Variants in PHACTR1 observed in about 807,000 individuals in gnomAD.
PHACTR1 encodes phosphatase and actin regulator 1, also known as RPEL repeat containing 1.
In PHACTR1, 16 loss-of-function variants were observed where a neutral mutation model predicts 69.2. The ratio of observed to expected loss-of-function variants is 0.23; its 90% CI spans 0.16 to 0.35. The LOEUF (loss-of-function observed/expected upper bound fraction) is 0.35. Among genes scored for constraint, PHACTR1 ranks in the 10% least tolerant of loss-of-function variants. The pLI, the probability that PHACTR1 is intolerant of heterozygous loss-of-function variation, is 1.00. For synonymous variants in PHACTR1, 312 were observed against 284.5 expected (o/e 1.10, Z -0.97); for missense variants, 510 against 734.7 (o/e 0.69, Z 3.54).
At chr6:13,260,200 T>G (rs1223358235) in intron 10 of PHACTR1, among the ~76,000 whole-genome samples, 1 of 152,182 alleles carries the variant, frequency 6.6e-6, no homozygotes, top group Non-Finnish European at 1.5e-5. Context: ...ACTGAGAAGA[T>G]CTTCATGTAC....
At chr6:12,829,382 GAA>G (rs1777161011) in intron 4 of PHACTR1, among the ~76,000 whole-genome samples, 1 of 152,212 alleles carries the variant, frequency 6.6e-6, no homozygotes, top group Non-Finnish European at 1.5e-5. Context: ...TCATAGAGGA[GAA>G]GTTTGGGACC....
chr6:13,184,555 C>T (rs997880466), intron 7 of PHACTR1, among the ~76,000 whole-genome samples: 2 of 152,164 alleles, frequency 1.3e-5, no homozygotes, highest in African/African-American at 2.4e-5. Flanking sequence ...AAACATCCTC[C>T]TCCTCTTTCT....
chr6:12,930,354 T>G (rs1788730827), intron 4 of PHACTR1, among the ~76,000 whole-genome samples: 1 of 152,146 alleles, frequency 6.6e-6, no homozygotes, highest in Non-Finnish European at 1.5e-5. Context: ...AAGAGAATTT[T>G]TTTGGGTGTG....
intron 5 of PHACTR1, among the ~76,000 whole-genome samples, chr6:13,135,947 GAAA>G (rs1376695732): frequency 6.6e-6 from 1 of 151,658 alleles, no homozygotes; most frequent in Non-Finnish European, 1.5e-5. Flanking sequence ...AATAGTGGAG[GAAA>G]AAAAAGTCAC....
chr6:12,842,523 C>T (rs1210700077), intron 4 of PHACTR1, among the ~76,000 whole-genome samples: 1 of 152,092 alleles, frequency 6.6e-6, no homozygotes, highest in African/African-American at 2.4e-5. Flanking sequence ...TGCATTTAAA[C>T]AGTAAAGGTT....
At chr6:12,842,740 C>T (rs985068793) in intron 4 of PHACTR1, among the ~76,000 whole-genome samples, 2 of 151,958 alleles carry the variant, frequency 1.3e-5, no homozygotes, top group South Asian at 4.2e-4. Flanking sequence ...GAGACAGGGT[C>T]TCACTCTGTT....
intron 10 of PHACTR1, among the ~76,000 whole-genome samples, chr6:13,244,059 C>T (rs1773234480): frequency 6.6e-6 from 1 of 152,070 alleles, no homozygotes; most frequent in Non-Finnish European, 1.5e-5. Context: ...TTCTAGTTTC[C>T]CTAAGCATCG....
intron 6 of PHACTR1, among the ~76,000 whole-genome samples, chr6:13,171,773 AT>A (rs988490319): frequency 4.2e-4 from 62 of 147,608 alleles, no homozygotes; most frequent in African/African-American, 1.0e-3. Context: ...GCTCTAGCCA[AT>A]TTTTTTTTTT....
chr6:12,993,961 C>T (rs1470404787), intron 4 of PHACTR1, among the ~76,000 whole-genome samples: 2 of 151,696 alleles, frequency 1.3e-5, no homozygotes, highest in Non-Finnish European at 2.9e-5. Context: ...GCAGATTCAA[C>T]AAATGAAGAA....
At chr6:12,920,025 A>G (rs1787464395) in intron 4 of PHACTR1, among the ~76,000 whole-genome samples, 1 of 152,210 alleles carries the variant, frequency 6.6e-6, no homozygotes, top group African/African-American at 2.4e-5. Context: ...TCTACCTTGG[A>G]GGATAATTAT....
rs533146944 is a variant in PHACTR1, at chr6:12,730,009, A to G, written c.103+11162A>G. On this transcript the variant is annotated intron_variant, in intron 3 of 14. Coordinates refer to ENST00000332995, the MANE Select transcript of PHACTR1 (RefSeq NM_030948.6). ...GAGGATGACCAAGATGAAGGTAGGAAAAAGAAACTCCATTTAAAGCATATT... is the reference window on the plus strand; with the variant it reads ...GAGGATGACCAAGATGAAGGTAGGAGAAAGAAACTCCATTTAAAGCATATT... Among the ~76,000 whole-genome samples, 4 of 152,298 alleles carry G rather than the reference A, an allele frequency of 2.6e-5. No individual in the cohort carries two copies. The South Asian group carries it at 8.3e-4, about 32-fold the overall frequency.
At chr6:12,972,344 A>G (rs1017957435) in intron 4 of PHACTR1, among the ~76,000 whole-genome samples, 1 of 152,188 alleles carries the variant, frequency 6.6e-6, no homozygotes, top group African/African-American at 2.4e-5. Flanking sequence ...TGTTTGGTAG[A>G]TTGCCCAGCA....
At chr6:13,034,299 G>A (rs1016906195) in intron 4 of PHACTR1, among the ~76,000 whole-genome samples, 6 of 152,226 alleles carry the variant, frequency 3.9e-5, no homozygotes, top group African/African-American at 1.4e-4. Context: ...TTACAGGCGT[G>A]AGCCACCACG....
intron 4 of PHACTR1, among the ~76,000 whole-genome samples, chr6:12,905,069 C>T (rs1785581271): frequency 6.6e-6 from 1 of 152,188 alleles, no homozygotes; most frequent in Admixed American, 6.5e-5. Context: ...CTGCACTGAA[C>T]GTCAAAATCA....
At chr6:13,141,321 A>G (rs563716352) in intron 5 of PHACTR1, among the ~76,000 whole-genome samples, 1 of 152,330 alleles carries the variant, frequency 6.6e-6, no homozygotes, top group Non-Finnish European at 1.5e-5. Context: ...GAACTAAGAA[A>G]TTGCTGGACA....
At chr6:12,973,122 A>T (rs1003132112) in intron 4 of PHACTR1, among the ~76,000 whole-genome samples, 1 of 152,136 alleles carries the variant, frequency 6.6e-6, no homozygotes, top group Non-Finnish European at 1.5e-5. Flanking sequence ...TCCTTCTGCC[A>T]TGTAAGGTAC....
At chr6:12,799,096 T>C (rs1773418995) in intron 4 of PHACTR1, among the ~76,000 whole-genome samples, 1 of 152,232 alleles carries the variant, frequency 6.6e-6, no homozygotes, top group Admixed American at 6.5e-5. Flanking sequence ...CTAAATGTCA[T>C]ATTCTACCTT....
At chr6:12,983,908 G>C (rs189724977) in intron 4 of PHACTR1, among the ~76,000 whole-genome samples, 6 of 152,274 alleles carry the variant, frequency 3.9e-5, no homozygotes, top group Admixed American at 3.9e-4. Flanking sequence ...AGTATTCCAT[G>C]GTGTATACAT....
At chr6:13,045,914 A>T (rs1804954405) in intron 4 of PHACTR1, among the ~76,000 whole-genome samples, 1 of 152,188 alleles carries the variant, frequency 6.6e-6, no homozygotes, top group Non-Finnish European at 1.5e-5. Context: ...GCCTGAGCAA[A>T]TCTGCTGAGA....
Sources: gnomAD v4.1 joint callset for allele counts (sites outside exome capture counted in the v4.1 genomes callset) on GRCh38, gnomAD v4.1.1 for gene constraint, MANE v1.5 for transcripts, NCBI Gene and HGNC (gene_info 2026-07-23, HGNC 2026-07-21) for gene names.